The following USP12 variants were observed in gnomAD, a reference collection of about 807,000 sequenced individuals.
USP12 encodes ubiquitin carboxyl-terminal hydrolase 12.
USP12 carries 19 observed loss-of-function variants against 45.5 expected under a neutral mutation model. The observed-to-expected ratio is 0.42, with a 90% CI of 0.29 to 0.61. The LOEUF is 0.61. Ranked by LOEUF, USP12 falls within the 20% of genes least tolerant of loss-of-function variation. The probability of loss-of-function intolerance (pLI) is 0.22; values close to 1 mark genes in which losing one functional copy is unlikely to be tolerated. For missense variants in USP12, 242 were observed against 447.7 expected (o/e 0.54, Z 4.15); for synonymous variants, 149 against 148.8 (o/e 1.00, Z -0.01).
chr13:27,143,495 G>A (rs1464285062), intron 1 of USP12, among the ~76,000 whole-genome samples: 2 of 152,112 alleles, frequency 1.3e-5, no homozygotes, highest in African/African-American at 4.8e-5. Context: ...ATTTTGCAGG[G>A]CCCAATAAAA....
In USP12 at chr13:27,071,453, A is replaced by G. The variant is rs150534356; in HGVS notation, c.933-304T>C. Among the ~76,000 whole-genome samples the G allele has an allele frequency of 2.8e-4, 42 of 152,276 alleles. No homozygotes were observed. In the East Asian group the frequency reaches 7.9e-3, roughly 29 times the overall value. ...AATTTTCAATTTTGCTTCTATAATA[A>G]AAGACATATTTTTCTATCATTTTAT... is the stretch of plus-strand genomic sequence containing the variant. On this transcript the variant is annotated intron_variant, in intron 7 of 8. Transcript: ENST00000282344.
intron 3 of USP12, among the ~76,000 whole-genome samples, chr13:27,100,038 T>G (rs2137780456): frequency 6.6e-6 from 1 of 152,172 alleles, no homozygotes; most frequent in South Asian, 2.1e-4. Context: ...CTATGCAACC[T>G]CTCTCAACAC....
intron 1 of USP12, among the ~76,000 whole-genome samples, chr13:27,160,441 T>A (rs1188985261): frequency 2.1e-5 from 3 of 144,372 alleles, no homozygotes; most frequent in Non-Finnish European, 3.0e-5. Context: ...AAAAAAAAAA[T>A]GCAATAAAAA....
intron 1 of USP12, among the ~76,000 whole-genome samples, chr13:27,125,993 A>G (rs1354655629): frequency 6.6e-6 from 1 of 152,250 alleles, no homozygotes; most frequent in Non-Finnish European, 1.5e-5. Context: ...GGAGCCCACC[A>G]CAGCTCAGCA....
chr13:27,083,857 AATAT>A (rs112548761), intron 6 of USP12, among the ~76,000 whole-genome samples: 8,425 of 147,198 alleles, frequency 0.057, 277 homozygotes, highest in Middle Eastern at 0.097. Context: ...TTTTTGGGAG[AATAT>A]ATATATATAT....
chr13:27,122,652 A>AAAAT (rs376672232), intron 1 of USP12, among the ~76,000 whole-genome samples: 7,905 of 151,604 alleles, frequency 0.052, 248 homozygotes, highest in Non-Finnish European at 0.056. Context: ...ACCCCATCTC[A>AAAAT]AAATAAATAA....
At chr13:27,140,945 G>T (rs1309038872) in intron 1 of USP12, among the ~76,000 whole-genome samples, 1 of 142,164 alleles carries the variant, frequency 7.0e-6, no homozygotes, top group Non-Finnish European at 1.5e-5. Context: ...CAATTAAAAA[G>T]ATAGAAGATT....
rs56311173 is a variant in USP12 at position 27,144,499 on chromosome 13, T to TAA, written c.48+27091_48+27092dup. On this transcript the variant is annotated intron_variant, in intron 1 of 8. Coordinates refer to ENST00000282344, the MANE Select transcript of USP12 (RefSeq NM_182488.4). ...CTAGGCAACAGGGCAAGACTCTCTT[T>TAA]AAAAAAAAAAAAAAAAAAAAAGGTG... 6.9e-4 allele frequency among the ~76,000 whole-genome samples: 81 copies of TAA among 118,026 alleles called. 1 individual carries two copies. Among genetic ancestry groups the TAA allele is most frequent in the African/African-American group, 2.4e-3 (70 of 29,536 alleles). 77.4% of individuals were successfully genotyped at this position (118,026 alleles called of 152,430 possible). A position where few individuals can be genotyped will look rare whatever the true frequency, so the allele number is the denominator to read the frequency against.
intron 1 of USP12, among the ~76,000 whole-genome samples, chr13:27,117,089 C>G (rs991511076): frequency 4.0e-5 from 6 of 151,810 alleles, no homozygotes. Flanking sequence ...CTACCTAACA[C>G]AAAGAAAAGA....
intron 3 of USP12, among the ~76,000 whole-genome samples, chr13:27,102,275 T>C (rs507243): frequency 0.047 from 7,217 of 152,180 alleles, 528 homozygotes; most frequent in African/African-American, 0.16. Context: ...TCCAAAATAA[T>C]AGTAGATCAC....
rs75549424 is a variant in USP12, at chr13:27,101,758, G to A, written c.343+3973C>T. Among the ~76,000 whole-genome samples the A allele has an allele frequency of 7.9e-3, 1,201 of 152,162 alleles. 15 individuals carry two copies. Among genetic ancestry groups the A allele is most frequent in the African/African-American group, 0.027 (1,128 of 41,500 alleles). ...ACAAAATACCATTTATGCTCTTTTG[G>A]AGAAAAAGAATTGTTTGAAATAAAC... On this transcript the variant is annotated intron_variant, in intron 3 of 8. Coordinates refer to ENST00000282344, the MANE Select transcript of USP12 (RefSeq NM_182488.4).
chr13:27,087,128 T>C (rs1474925596), intron 6 of USP12, among the ~76,000 whole-genome samples: 1 of 150,792 alleles, frequency 6.6e-6, no homozygotes, highest in African/African-American at 2.5e-5. Context: ...TGTGTGCGTG[T>C]GTGAGAGTGT....
At chr13:27,162,984 T>C (rs1366679522) in intron 1 of USP12, 1 of 152,198 alleles carries the variant, frequency 6.6e-6, no homozygotes, top group East Asian at 1.9e-4. Flanking sequence ...CCAATAGTGG[T>C]TGTTTAGTTG....
rs1170001668 is a variant in USP12 at position 27,106,043 on chromosome 13, G to A, written c.130-99C>T. 1.9e-5 allele frequency: 18 copies of A among 969,792 alleles called. No homozygotes were observed. The East Asian group carries it at 2.6e-4, about 14-fold the overall frequency. The allele number at this position is 969,792 out of a possible 1,614,324, so 60.1% of individuals were successfully genotyped here. ...TTGAGAACAGAAAGAGATGACAATC[G>A]GTTACTACTGTTACTATAACACTGA... On this transcript the variant is annotated intron_variant, in intron 2 of 8. Coordinates refer to ENST00000282344, the MANE Select transcript of USP12 (RefSeq NM_182488.4).
intron 1 of USP12, among the ~76,000 whole-genome samples, chr13:27,145,349 C>T (rs184027805): frequency 3.9e-5 from 6 of 152,280 alleles, no homozygotes; most frequent in Admixed American, 2.6e-4. Flanking sequence ...ACACACCTTA[C>T]CCATTTGGCC....
intron 6 of USP12, among the ~76,000 whole-genome samples, chr13:27,086,077 G>C (rs1240631024): frequency 6.6e-6 from 1 of 150,772 alleles, no homozygotes; most frequent in African/African-American, 2.4e-5. Context: ...GGCTGAGGTA[G>C]GAGGATCATT....
chr13:27,158,328 T>C (rs1461569991), intron 1 of USP12, among the ~76,000 whole-genome samples: 1 of 152,156 alleles, frequency 6.6e-6, no homozygotes, highest in Non-Finnish European at 1.5e-5. Flanking sequence ...GAGAGTCTCC[T>C]CATAGCCCTC....
Position 27,075,215 on chromosome 13 carries a change from A to G in USP12, c.908T>C (p.Val303Ala), listed in dbSNP as rs1165439132. ...ATNPDRMYDL[V>A]AVVVHCGSGP... ...CCTTCCACAGTGAACCACAACAGCA[A>G]CAAGGTCGTACATTCTGTCTGGATT... Residue 303 changes from valine to alanine, a missense_variant, in exon 7 of 9, where the codon GTT (valine) becomes GCT (alanine). Coordinates refer to ENST00000282344, the MANE Select transcript of USP12 (RefSeq NM_182488.4). 1.9e-6 allele frequency: 3 copies of G among 1,613,806 alleles called. No homozygotes were observed. In the Admixed American group the frequency reaches 5.0e-5, roughly 27 times the overall value.
chr13:27,118,931 C>T (rs1254190691), intron 1 of USP12, among the ~76,000 whole-genome samples: 3 of 152,194 alleles, frequency 2.0e-5, no homozygotes, highest in African/African-American at 7.2e-5. Flanking sequence ...TTAGTAAGCT[C>T]TTCTCCCACT....
Sources: allele counts gnomAD v4.1 joint callset (sites outside exome capture counted in the v4.1 genomes callset), GRCh38; gene constraint gnomAD v4.1.1; transcripts MANE v1.5; gene names NCBI Gene and HGNC (gene_info 2026-07-23, HGNC 2026-07-21).